Variants in SERPINI1 observed in about 807,000 individuals in gnomAD.
SERPINI1 encodes the protein neuroserpin.
Under a neutral mutation model 41.1 loss-of-function variants are expected in SERPINI1, and 19 were observed. That is an observed-to-expected ratio of 0.46 (90% CI 0.32 to 0.68). The LOEUF is 0.68. SERPINI1 is among the 30% of genes least tolerant of loss of function. The pLI is 0.03. For synonymous variants in SERPINI1, 138 were observed against 156.6 expected (o/e 0.88, Z 0.89); for missense variants, 460 against 479.2 (o/e 0.96, Z 0.37).
chr3:167,773,797 C>A (rs900073914), intron 1 of SERPINI1, among the ~76,000 whole-genome samples: 5 of 152,102 alleles, frequency 3.3e-5, no homozygotes, highest in Non-Finnish European at 2.9e-5. Flanking sequence ...TTTATGGGAG[C>A]TTTAAAAAAC....
intron 2 of SERPINI1, 29 bp downstream of exon 2, chr3:167,789,407 G>A: frequency 6.2e-7 from 1 of 1,613,406 alleles, no homozygotes; most frequent in Non-Finnish European, 8.5e-7. Flanking sequence ...GATTTCTCAA[G>A]ACTTTTGAAT....
intron 1 of SERPINI1, among the ~76,000 whole-genome samples, chr3:167,785,986 G>T (rs888927448): frequency 6.6e-6 from 1 of 152,088 alleles, no homozygotes; most frequent in African/African-American, 2.4e-5. Flanking sequence ...CAACATCACC[G>T]AGTATACTTA....
At chr3:167,822,539 G>A (rs972776564) in intron 6 of SERPINI1, among the ~76,000 whole-genome samples, 13 of 151,974 alleles carry the variant, frequency 8.6e-5, no homozygotes, top group African/African-American at 3.1e-4. Context: ...TTTGCCAAGG[G>A]TATTTACATT....
chr3:167,797,107 T>A (rs6775364), intron 5 of SERPINI1, among the ~76,000 whole-genome samples: 67,910 of 151,580 alleles, frequency 0.45, 16,075 homozygotes, highest in African/African-American at 0.61. Flanking sequence ...TTCTCTAATG[T>A]TCAGTGATGT....
intron 1 of SERPINI1, among the ~76,000 whole-genome samples, chr3:167,773,678 A>G (rs1346770366): frequency 6.6e-6 from 1 of 152,182 alleles, no homozygotes; most frequent in African/African-American, 2.4e-5. Context: ...TTCTTTTAGA[A>G]ATACCTCTAT....
At chr3:167,764,334 G>A (rs1483121756) in intron 1 of SERPINI1, among the ~76,000 whole-genome samples, 3 of 152,164 alleles carry the variant, frequency 2.0e-5, no homozygotes, top group South Asian at 2.1e-4. Context: ...CGTGGCTGGG[G>A]AGGCCTCACA....
At chr3:167,763,075 A>T (rs979864760) in intron 1 of SERPINI1, among the ~76,000 whole-genome samples, 3 of 152,076 alleles carry the variant, frequency 2.0e-5, no homozygotes, top group Non-Finnish European at 4.4e-5. Flanking sequence ...AGTAGGGAAA[A>T]TATACCTAAA....
At chr3:167,794,862 C>T (rs1727661269) in intron 5 of SERPINI1, 38 bp downstream of exon 5, 1 of 1,534,836 alleles carries the variant, frequency 6.5e-7, no homozygotes, top group Non-Finnish European at 9.0e-7. Flanking sequence ...ACAGCATGGA[C>T]GATGGGCTAT....
In SERPINI1 at chr3:167,744,691, C is replaced by CATATATTT. The variant is rs1559992854; in HGVS notation, c.-19+8874_-19+8875insTTATATAT. Among the ~76,000 whole-genome samples the CATATATTT allele has an allele frequency of 9.3e-4, 115 of 124,022 alleles. 2 individuals carry two copies. The highest frequency in any genetic ancestry group is 3.3e-3 in the African/African-American group (108 of 32,334). The allele number at this position is 124,022 out of a possible 152,430, so 81.4% of individuals were successfully genotyped here. ...ATATATATATAAATATATATATAAA[C>CATATATTT]ATATATAAATATATATAAAATATAT... On this transcript the variant is annotated intron_variant, in intron 1 of 8. Coordinates refer to ENST00000446050, the MANE Select transcript of SERPINI1 (RefSeq NM_001122752.2).
intron 1 of SERPINI1, among the ~76,000 whole-genome samples, chr3:167,739,105 T>G (rs571992943): frequency 1.3e-5 from 2 of 150,584 alleles, no homozygotes; most frequent in African/African-American, 4.9e-5. Context: ...GATTTTTTTG[T>G]TGTTTCTTTT....
rs1211059604 is a variant in SERPINI1 at position 167,790,478 on chromosome 3, T to C, written c.357T>C (p.His119=). The part of the protein sequence containing the change: ...ANSLFVQNGF[H]VNEEFLQMMK... ...CCTTGTTTGTGCAAAATGGATTTCA[T>C]GTCAATGAGGAGTTTTTGCAAATGA... is the stretch of plus-strand genomic sequence containing the variant. The change falls in exon 3 of 9, where the codon CAT becomes CAC. Residue 119 remains histidine (H), a synonymous_variant. Coordinates refer to ENST00000446050, the MANE Select transcript of SERPINI1 (RefSeq NM_001122752.2). The C allele has an allele frequency of 3.1e-6, 5 of 1,613,946 alleles. No individual in the cohort carries two copies. In the African/African-American group the frequency reaches 4.0e-5, roughly 13 times the overall value.
intron 1 of SERPINI1, among the ~76,000 whole-genome samples, chr3:167,757,470 G>A (rs755457473): frequency 9.9e-5 from 15 of 151,838 alleles, no homozygotes; most frequent in Non-Finnish European, 1.6e-4. Flanking sequence ...AAGTATTCTC[G>A]TTTTTAAAGG....
chr3:167,790,481 C>A lies in SERPINI1; in HGVS notation c.360C>A (p.Val120=). Residue 120 remains valine, a synonymous_variant, in exon 3 of 9, where the codon GTC becomes GTA. Transcript: ENST00000446050. ...NSLFVQNGFH[V]NEEFLQMMKK... Reference sequence around the variant, plus strand: ...TGTTTGTGCAAAATGGATTTCATGTCAATGAGGAGTTTTTGCAAATGATGA... The same window carrying A: ...TGTTTGTGCAAAATGGATTTCATGTAAATGAGGAGTTTTTGCAAATGATGA... 1 of 1,613,834 alleles carries A rather than the reference C, an allele frequency of 6.2e-7. No homozygotes were observed. The highest frequency in any genetic ancestry group is 1.1e-5 in the South Asian group (1 of 91,060).
chr3:167,805,135 CTTAAG>C (rs1248914065), intron 5 of SERPINI1, among the ~76,000 whole-genome samples: 4 of 151,822 alleles, frequency 2.6e-5, no homozygotes, highest in Non-Finnish European at 5.9e-5. Context: ...TAAAAAAACT[CTTAAG>C]TGTACTAATT....
intron 1 of SERPINI1, among the ~76,000 whole-genome samples, chr3:167,782,243 A>C (rs190372362): frequency 2.1e-4 from 32 of 152,292 alleles, no homozygotes; most frequent in African/African-American, 7.7e-4. Context: ...TTGTAGACTA[A>C]TGTTAATATT....
intron 6 of SERPINI1, among the ~76,000 whole-genome samples, chr3:167,822,179 A>T (rs1712356755): frequency 6.6e-6 from 1 of 152,188 alleles, no homozygotes; most frequent in African/African-American, 2.4e-5. Context: ...TCTGTGTCCA[A>T]ATTTCCTCTC....
At chr3:167,795,409 G>A (rs1307413616) in intron 5 of SERPINI1, among the ~76,000 whole-genome samples, 2 of 152,056 alleles carry the variant, frequency 1.3e-5, no homozygotes, top group Non-Finnish European at 2.9e-5. Context: ...CCCATTTCTG[G>A]CCACTCACCA....
intron 1 of SERPINI1, among the ~76,000 whole-genome samples, chr3:167,751,524 T>G (rs1320015094): frequency 6.6e-6 from 1 of 152,138 alleles, no homozygotes; most frequent in African/African-American, 2.4e-5. Context: ...TTTCTCCACA[T>G]GGAAAGGAAT....
At chr3:167,800,099 A>G (rs1217556049) in intron 5 of SERPINI1, 3 of 152,176 alleles carry the variant, frequency 2.0e-5, no homozygotes, top group Non-Finnish European at 4.4e-5. Flanking sequence ...TTTATCCAAA[A>G]TATAAGAATC....
Sources: gnomAD v4.1 joint callset for allele counts (sites outside exome capture counted in the v4.1 genomes callset) on GRCh38, gnomAD v4.1.1 for gene constraint, MANE v1.5 for transcripts, NCBI Gene and HGNC (gene_info 2026-07-23, HGNC 2026-07-21) for gene names.